LRFN2: variants seen among roughly 807,000 people sequenced by gnomAD.
LRFN2 encodes leucine rich repeat and fibronectin type III domain containing 2, also known as leucine-rich repeat and fibronectin type-III domain-containing protein 2.
Under a neutral mutation model 37.3 loss-of-function variants are expected in LRFN2, and 18 were observed. That is an observed-to-expected ratio of 0.48 (90% CI 0.33 to 0.72). LRFN2 has a LOEUF of 0.72. Ranked by LOEUF, LRFN2 falls within the 30% of genes least tolerant of loss-of-function variation. The probability of loss-of-function intolerance (pLI) is 0.02; values close to 1 mark genes in which losing one functional copy is unlikely to be tolerated. For missense variants in LRFN2, 1,006 were observed against 1,060.7 expected (o/e 0.95, Z 0.72); for synonymous variants, 556 against 466.6 (o/e 1.19, Z -2.47).
chr6:40,489,652 G>C (rs1303040348), intron 1 of LRFN2, among the ~76,000 whole-genome samples: 1 of 151,960 alleles, frequency 6.6e-6, no homozygotes, highest in Non-Finnish European at 1.5e-5. Flanking sequence ...CCTGGGAGGA[G>C]GGCAGAAGGA....
intron 1 of LRFN2, among the ~76,000 whole-genome samples, chr6:40,467,968 T>C (rs190563965): frequency 2.8e-4 from 43 of 152,250 alleles, no homozygotes; most frequent in Non-Finnish European, 3.7e-4. Flanking sequence ...AGCCTCTGCT[T>C]CAGGAATTTC....
intron 1 of LRFN2, among the ~76,000 whole-genome samples, chr6:40,572,044 G>A (rs1047184674): frequency 6.6e-6 from 1 of 152,206 alleles, no homozygotes; most frequent in African/African-American, 2.4e-5. Flanking sequence ...CAGGACAGCA[G>A]CTACCCCTCC....
intron 1 of LRFN2, among the ~76,000 whole-genome samples, chr6:40,536,710 C>A (rs1335777487): frequency 6.6e-6 from 1 of 152,120 alleles, no homozygotes; most frequent in African/African-American, 2.4e-5. Flanking sequence ...ACCAAGGAAC[C>A]TGAAGCCCTG....
At chr6:40,411,540 C>A (rs1170875296) in intron 2 of LRFN2, among the ~76,000 whole-genome samples, 1 of 152,162 alleles carries the variant, frequency 6.6e-6, no homozygotes, top group East Asian at 1.9e-4. Flanking sequence ...TGGGGTCTGG[C>A]CCCACTGCCT....
At chr6:40,400,037 C>T (rs1762706428) in intron 2 of LRFN2, among the ~76,000 whole-genome samples, 1 of 151,768 alleles carries the variant, frequency 6.6e-6, no homozygotes, top group South Asian at 2.1e-4. Flanking sequence ...ATATCTTTCT[C>T]CACTGGGTGA....
intron 1 of LRFN2, among the ~76,000 whole-genome samples, chr6:40,471,367 G>A (rs1764591001): frequency 6.6e-6 from 1 of 152,176 alleles, no homozygotes; most frequent in African/African-American, 2.4e-5. Flanking sequence ...TTCAAGCAAA[G>A]GCTAGGCTGC....
At chr6:40,439,440 G>A (rs185049388) in intron 1 of LRFN2, among the ~76,000 whole-genome samples, 269 of 152,280 alleles carry the variant, frequency 1.8e-3, no homozygotes, top group Non-Finnish European at 3.0e-3. Context: ...AGCCCTGGAG[G>A]GACCAGCTCT....
chr6:40,437,133 C>A (rs1357252196), intron 1 of LRFN2, among the ~76,000 whole-genome samples: 1 of 152,116 alleles, frequency 6.6e-6, no homozygotes, highest in African/African-American at 2.4e-5. Context: ...CAAGTCCTGG[C>A]ACACAGGAAA....
At chr6:40,481,475 A>G (rs570958481) in intron 1 of LRFN2, among the ~76,000 whole-genome samples, 1 of 152,186 alleles carries the variant, frequency 6.6e-6, no homozygotes, top group South Asian at 2.1e-4. Context: ...AGAAAAGAAA[A>G]AAGAAAACCA....
At chr6:40,562,195 T>A (rs1767006627) in intron 1 of LRFN2, among the ~76,000 whole-genome samples, 1 of 152,130 alleles carries the variant, frequency 6.6e-6, no homozygotes, top group Non-Finnish European at 1.5e-5. Flanking sequence ...TGGGCAAGGC[T>A]GAGCTATAGC....
chr6:40,403,632 C>G (rs942534167), intron 2 of LRFN2, among the ~76,000 whole-genome samples: 3 of 152,148 alleles, frequency 2.0e-5, no homozygotes, highest in African/African-American at 7.2e-5. Context: ...TCAGGTGTAC[C>G]CGGACATCCA....
chr6:40,449,048 T>G (rs138571029), intron 1 of LRFN2, among the ~76,000 whole-genome samples: 110 of 152,336 alleles, frequency 7.2e-4, no homozygotes, highest in Non-Finnish European at 1.3e-3. Context: ...GCCTCTTGGT[T>G]GTTCCCTAAT....
intron 1 of LRFN2, among the ~76,000 whole-genome samples, chr6:40,574,426 A>T (rs376721789): frequency 2.6e-5 from 4 of 152,126 alleles, no homozygotes; most frequent in Non-Finnish European, 5.9e-5. Context: ...TTCCTCTCAC[A>T]TATCAACTGC....
At chr6:40,501,202 A>G (rs540792980) in intron 1 of LRFN2, among the ~76,000 whole-genome samples, 1 of 151,354 alleles carries the variant, frequency 6.6e-6, no homozygotes, top group South Asian at 2.1e-4. Flanking sequence ...TATATATAAT[A>G]TTTTCATTTA....
intron 1 of LRFN2, among the ~76,000 whole-genome samples, chr6:40,466,514 T>C (rs1304767394): frequency 1.3e-5 from 2 of 151,368 alleles, no homozygotes; most frequent in African/African-American, 4.9e-5. Flanking sequence ...TAAGCAGGGG[T>C]TTCCATCATG....
chr6:40,531,467 G>A (rs1295966061), intron 1 of LRFN2, among the ~76,000 whole-genome samples: 1 of 152,156 alleles, frequency 6.6e-6, no homozygotes, highest in Non-Finnish European at 1.5e-5. Context: ...GTGTTTAGGA[G>A]GGTCACAAAG....
At position 40,431,907 on chromosome 6, in the gene LRFN2, T is replaced by C. The variant is rs1763496857; in HGVS notation, c.1207A>G (p.Ser403Gly). ...CCTCCACCTCCCCGGCTGGTCTTGC[T>C]GGAGCCAGTGATGTCTGAGAGGCGG... ...KSRLSDITGS[S>G]KTSRGGGGSG... Residue 403 changes from serine (S) to glycine (G), a missense_variant, in exon 2 of 3, where the codon AGC (serine) becomes GGC (glycine). Ser to Gly is a moderately conservative substitution (Grantham distance 56, BLOSUM62 0). Around this residue, in one of 4 missense-constraint regions of LRFN2, gnomAD observed 303 missense variants for 299.8 expected, o/e 1.01. Transcript: ENST00000338305. The C allele has an allele frequency of 1.9e-6, 3 of 1,612,580 alleles. No individual in the cohort carries two copies. The highest frequency in any genetic ancestry group is 2.5e-6 in the Non-Finnish European group (3 of 1,179,116).
chr6:40,440,304 G>C (rs1017165872), intron 1 of LRFN2, among the ~76,000 whole-genome samples: 1 of 152,124 alleles, frequency 6.6e-6, no homozygotes, highest in Non-Finnish European at 1.5e-5. Context: ...GTATTAGCAC[G>C]TCCGTGATAG....
chr6:40,489,477 G>A (rs1403344789), intron 1 of LRFN2, among the ~76,000 whole-genome samples: 1 of 152,198 alleles, frequency 6.6e-6, no homozygotes, highest in Non-Finnish European at 1.5e-5. Context: ...ACCCACCTCA[G>A]CTTGGCCCGG....
Sources: allele counts gnomAD v4.1 joint callset (sites outside exome capture counted in the v4.1 genomes callset), GRCh38; gene constraint gnomAD v4.1.1; regional missense constraint gnomAD v4.1.1; transcripts MANE v1.5; gene names NCBI Gene and HGNC (gene_info 2026-07-23, HGNC 2026-07-21).